ASNS: variants seen among roughly 807,000 people sequenced by gnomAD.
ASNS encodes the protein asparagine synthetase [glutamine-hydrolyzing].
A neutral mutation model predicts 62.6 loss-of-function variants in ASNS; 37 were observed. The observed-to-expected ratio is 0.59, with a 90% CI of 0.45 to 0.78. The LOEUF is 0.78. ASNS is among the 30% of genes least tolerant of loss of function. ASNS has a pLI of 0.00. For missense variants in ASNS, 520 were observed against 682.4 expected (o/e 0.76, Z 2.65); for synonymous variants, 207 against 237.9 (o/e 0.87, Z 1.19).
chr7:97,876,850 G>A (rs574559507), upstream of ASNS, among the ~76,000 whole-genome samples: 207 of 152,248 alleles, frequency 1.4e-3, 2 homozygotes, highest in South Asian at 0.033. Context: ...GGAAGGCATC[G>A]AGAGAGGGGC....
intron 1 of ASNS, chr7:97,871,781 T>C (rs1362347923): frequency 7.5e-6 from 1 of 132,832 alleles, no homozygotes; most frequent in African/African-American, 2.9e-5. Flanking sequence ...CAGAGACAGG[T>C]GGGGACTGGT....
the ASNS span, among the ~76,000 whole-genome samples, chr7:97,918,630 T>G: frequency 6.6e-6 from 1 of 151,566 alleles, no homozygotes; most frequent in Non-Finnish European, 1.5e-5. Flanking sequence ...TAAACACATA[T>G]GCAAATACAT....
the ASNS span, among the ~76,000 whole-genome samples, chr7:97,914,826 C>T: frequency 2.0e-5 from 3 of 152,214 alleles, no homozygotes; most frequent in Non-Finnish European, 2.9e-5. Context: ...AACGCTGGAA[C>T]TGTTGTTGAC....
rs1164005166 is a variant in ASNS, at chr7:97,854,618, A to G, written c.1200T>C (p.Phe400=). ...SERLLRELYL[F]DVLRADRTTA... is the part of the protein sequence containing the mutation. Reference sequence around the variant, plus strand: ...TAGTTCGATCTGCGCGGAGAACATCAAACAAATAGAGTTCCCTCAGAAGCC... The same window carrying G: ...TAGTTCGATCTGCGCGGAGAACATCGAACAAATAGAGTTCCCTCAGAAGCC... Residue 400 remains phenylalanine (F), a synonymous_variant, in exon 10 of 13, where the codon TTT becomes TTC. Coordinates refer to ENST00000394308, the MANE Select transcript of ASNS (RefSeq NM_001673.5). 6.2e-7 allele frequency: 1 copy of G among 1,614,134 alleles called. No individual in the cohort carries two copies. Among genetic ancestry groups the G allele is most frequent in the South Asian group, 1.1e-5 (1 of 91,084 alleles).
intron 8 of ASNS, among the ~76,000 whole-genome samples, chr7:97,855,775 A>C (rs1319678970): frequency 6.6e-6 from 1 of 152,166 alleles, no homozygotes. Context: ...AATACCTAAA[A>C]ATCATGCCTT....
At chr7:97,904,564 G>T in the ASNS span, among the ~76,000 whole-genome samples, 4 of 152,070 alleles carry the variant, frequency 2.6e-5, no homozygotes, top group Non-Finnish European at 5.9e-5. Context: ...AGAGAGTCTT[G>T]TACTAAGAAT....
intron 5 of ASNS, 57 bp from the exon 6 acceptor site, chr7:97,859,012 T>C (rs750397781): frequency 7.4e-5 from 113 of 1,517,210 alleles, no homozygotes; most frequent in Non-Finnish European, 7.5e-5. Context: ...GGATTAGTTA[T>C]TGAAATGAAA....
the ASNS span, among the ~76,000 whole-genome samples, chr7:97,881,383 G>A: frequency 7.8e-6 from 1 of 128,756 alleles, no homozygotes; most frequent in African/African-American, 2.9e-5. Context: ...AACACCCCCC[G>A]CCCCCCCAAA....
At chr7:97,886,230 C>G in the ASNS span, among the ~76,000 whole-genome samples, 1 of 152,094 alleles carries the variant, frequency 6.6e-6, no homozygotes, top group African/African-American at 2.4e-5. Flanking sequence ...TCACTGAAAC[C>G]TCCACCTCCC....
chr7:97,886,516 A>G, the ASNS span, among the ~76,000 whole-genome samples: 2 of 152,102 alleles, frequency 1.3e-5, no homozygotes, highest in Admixed American at 1.3e-4. Flanking sequence ...GGTTTTCTTA[A>G]CAGCATAAGG....
the ASNS span, among the ~76,000 whole-genome samples, chr7:97,922,550 C>T: frequency 3.4e-4 from 52 of 152,016 alleles, 1 homozygote; most frequent in Admixed American, 1.8e-3. Flanking sequence ...ACATAACATA[C>T]ACTTGGAAAT....
chr7:97,891,502 C>A, the ASNS span, among the ~76,000 whole-genome samples: 1 of 152,202 alleles, frequency 6.6e-6, no homozygotes, highest in Non-Finnish European at 1.5e-5. Context: ...AGTCCAAAGT[C>A]TCATGTGAGA....
At chr7:97,884,721 C>G in the ASNS span, among the ~76,000 whole-genome samples, 1 of 152,162 alleles carries the variant, frequency 6.6e-6, no homozygotes, top group African/African-American at 2.4e-5. Context: ...TTTAATATAA[C>G]TATTAAAATA....
the ASNS span, among the ~76,000 whole-genome samples, chr7:97,925,224 T>C: frequency 6.6e-6 from 1 of 152,330 alleles, no homozygotes; most frequent in East Asian, 1.9e-4. Flanking sequence ...AACCTTCCTA[T>C]GAAAGTGTAT....
chr7:97,908,755 T>C, the ASNS span: 4 of 152,232 alleles, frequency 2.6e-5, no homozygotes, highest in Non-Finnish European at 4.4e-5. Flanking sequence ...AAGTCATTCT[T>C]TTTGAATCTA....
the ASNS span, among the ~76,000 whole-genome samples, chr7:97,884,787 T>C: frequency 4.6e-5 from 7 of 152,230 alleles, no homozygotes; most frequent in African/African-American, 1.7e-4. Flanking sequence ...ATGGTTTCAG[T>C]GCATTCACAG....
the ASNS span, among the ~76,000 whole-genome samples, chr7:97,903,213 G>A: frequency 6.7e-6 from 1 of 150,000 alleles, no homozygotes; most frequent in Non-Finnish European, 1.5e-5. Context: ...TTTAGAGGTA[G>A]GTAGAGTCCA....
chr7:97,857,205 T>C (rs983207499), intron 7 of ASNS, among the ~76,000 whole-genome samples: 4 of 152,196 alleles, frequency 2.6e-5, no homozygotes, highest in African/African-American at 9.7e-5. Flanking sequence ...GTTATTCTTA[T>C]ATAGAATGGC....
the ASNS span, among the ~76,000 whole-genome samples, chr7:97,878,048 C>A: frequency 2.0e-5 from 3 of 152,178 alleles, no homozygotes; most frequent in Non-Finnish European, 4.4e-5. Context: ...TTGTGAGCGC[C>A]AGGTGATGGC....
Sources: allele counts gnomAD v4.1 joint callset (sites outside exome capture counted in the v4.1 genomes callset), GRCh38; gene constraint gnomAD v4.1.1; transcripts MANE v1.5; gene names NCBI Gene and HGNC (gene_info 2026-07-23, HGNC 2026-07-21).